Variants in FAM149A observed in about 807,000 individuals in gnomAD.
FAM149A encodes the protein family with sequence similarity 149 member A.
In FAM149A, 71 loss-of-function variants were observed where a neutral mutation model predicts 78.2. The observed-to-expected ratio is 0.91, with a 90% CI of 0.75 to 1.11. FAM149A has a LOEUF of 1.11. Ranked by LOEUF, FAM149A falls within the 50% of genes least tolerant of loss-of-function variation. FAM149A has a pLI of 0.00. For synonymous variants in FAM149A, 446 were observed against 410.5 expected, an observed-to-expected ratio of 1.09 and a Z score of -1.04; for missense variants, 1,036 against 971.0, an observed-to-expected ratio of 1.07 and a Z score of -0.89.
chr4:186,146,849 G>A, intron 1 of FAM149A: 2 of 985,442 alleles, frequency 2.0e-6, no homozygotes, highest in Non-Finnish European at 2.4e-6. Flanking sequence ...GAGTAATTCT[G>A]TAGTGAAAAT....
intron 3 of FAM149A, among the ~76,000 whole-genome samples, chr4:186,151,524 A>G (rs1265230045): frequency 6.6e-6 from 1 of 152,206 alleles, no homozygotes; most frequent in Non-Finnish European, 1.5e-5. Flanking sequence ...TAGGTGTGTC[A>G]GGCACAGCTC....
intron 1 of FAM149A, chr4:186,118,308 C>T (rs1353458004): frequency 1.7e-5 from 15 of 877,982 alleles, no homozygotes; most frequent in African/African-American, 7.3e-5. Context: ...ATGTGTGTGC[C>T]ATTAGCTACC....
chr4:186,157,420 C>T, intron 7 of FAM149A, 145 bp from the exon 8 acceptor site: 1 of 776,554 alleles, frequency 1.3e-6, no homozygotes, highest in South Asian at 1.8e-5. Flanking sequence ...ACAGGGGTCT[C>T]TGCCCTCCGT....
chr4:186,167,511 CAAAAA>C (rs55700071), intron 13 of FAM149A: 20,526 of 276,166 alleles, frequency 0.074, 284 homozygotes, highest in Admixed American at 0.1. Context: ...GGGCCTCACT[CAAAAA>C]AAAAAAAAAA....
chr4:186,155,560 A>C (rs1733978624), intron 6 of FAM149A, among the ~76,000 whole-genome samples: 1 of 152,252 alleles, frequency 6.6e-6, no homozygotes, highest in African/African-American at 2.4e-5. Flanking sequence ...AGACAAATTA[A>C]AATGGAAACA....
At chr4:186,145,212 C>T in intron 1 of FAM149A, 2 of 924,778 alleles carry the variant, frequency 2.2e-6, no homozygotes, top group Non-Finnish European at 2.6e-6. Context: ...GCCCGGGCTT[C>T]CCTGCAGGCA....
At chr4:186,108,588 C>T (rs1282528331) in intron 1 of FAM149A, among the ~76,000 whole-genome samples, 1 of 152,076 alleles carries the variant, frequency 6.6e-6, no homozygotes. Flanking sequence ...AGAGGCTGCC[C>T]CTTTTGCTCC....
At chr4:186,156,253 C>G (rs892777267) in intron 7 of FAM149A, 63 bp downstream of exon 7, 18 of 1,419,626 alleles carry the variant, frequency 1.3e-5, no homozygotes, top group Non-Finnish European at 1.6e-5. Context: ...GCCCTGGGCT[C>G]CTGCTCCCCA....
Position 186,136,823 on chromosome 4 carries a change from G to A in FAM149A, c.567-12350G>A, listed in dbSNP as rs958393115. Among the ~76,000 whole-genome samples the A allele has an allele frequency of 2.0e-5, 3 of 152,296 alleles. No individual in the cohort carries two copies. In the South Asian group the frequency reaches 6.2e-4, roughly 32 times the overall value. On this transcript the variant is annotated intron_variant, in intron 1 of 13. Transcript: ENST00000389354. ...GCCAGGCTGCCCACAGCCTAAGAAG[G>A]TGGCTCTGCCTTTCCGTCCACCTGT...
At chr4:186,151,844 C>T (rs983006935) in intron 3 of FAM149A, 59 bp from the exon 4 acceptor site, 4 of 1,588,408 alleles carry the variant, frequency 2.5e-6, no homozygotes, top group Admixed American at 3.6e-5. Context: ...TAGCGTTGAT[C>T]CAGAAGCCCG....
chr4:186,123,167 C>T, intron 1 of FAM149A: 1 of 967,350 alleles, frequency 1.0e-6, no homozygotes, highest in South Asian at 4.8e-5. Context: ...ATCCAAGGAA[C>T]CAGGACAATT....
At chr4:186,145,184 G>T in intron 1 of FAM149A, 6 of 978,792 alleles carry the variant, frequency 6.1e-6, no homozygotes, top group Non-Finnish European at 6.1e-6. Flanking sequence ...TTCTCCGCCC[G>T]CGGGCCGGCT....
intron 1 of FAM149A, among the ~76,000 whole-genome samples, chr4:186,124,413 T>TC (rs1287949411): frequency 5.8e-5 from 8 of 138,060 alleles, no homozygotes; most frequent in East Asian, 2.4e-4. Context: ...CCCTCCCCGC[T>TC]CCCCCCCACC....
chr4:186,161,684 CTTTG>C (rs1453448223), intron 8 of FAM149A, among the ~76,000 whole-genome samples: 1 of 152,002 alleles, frequency 6.6e-6, no homozygotes, highest in Non-Finnish European at 1.5e-5. Context: ...TTTATAATTA[CTTTG>C]TTTGGATAAA....
Position 186,144,942 on chromosome 4 carries a change from CG to C in FAM149A, c.567-4230del, listed in dbSNP as rs1732895284. ...GCCGCGCGGCGGGCGCGGGCGCGGGCGCGGGCGCGGGCGCGGGCGGGTGGGG... is the reference window on the plus strand; with the variant it reads ...GCCGCGCGGCGGGCGCGGGCGCGGGCCGGGCGCGGGCGCGGGCGGGTGGGG... On this transcript the variant is annotated intron_variant, in intron 1 of 13. Transcript: ENST00000389354. This position sits in a 1 kb window ranked among gnomAD's most constrained non-coding sequence, Gnocchi z 4.2. 1 of 251,656 alleles carries C rather than the reference CG, an allele frequency of 4.0e-6. No individual in the cohort carries two copies. The highest frequency in any genetic ancestry group is 1.3e-4 in the African/African-American group (1 of 7,440). 15.6% of individuals were successfully genotyped at this position (251,656 alleles called of 1,614,324 possible).
chr4:186,110,480 G>C (rs1226411287), intron 1 of FAM149A, among the ~76,000 whole-genome samples: 1 of 145,558 alleles, frequency 6.9e-6, no homozygotes, highest in Non-Finnish European at 1.5e-5. Flanking sequence ...TGCCATGCTG[G>C]TGCGCTGCAC....
At chr4:186,116,800 GAAC>G in intron 1 of FAM149A, 2 of 977,598 alleles carry the variant, frequency 2.0e-6, no homozygotes, top group Non-Finnish European at 2.4e-6. Flanking sequence ...TGTGTTTAAA[GAAC>G]ACATGTTGAG....
intron 13 of FAM149A, among the ~76,000 whole-genome samples, chr4:186,168,801 C>T (rs901848896): frequency 2.3e-4 from 35 of 152,286 alleles, no homozygotes; most frequent in African/African-American, 7.7e-4. Flanking sequence ...GGGGTGTTTC[C>T]GTCTGTGCCT....
Position 186,118,132 on chromosome 4 carries a change from C to T in FAM149A, c.566+12490C>T, listed in dbSNP as rs977305687. 3.0e-6 allele frequency: 3 copies of T among 985,298 alleles called. No homozygotes were observed. In the African/African-American group the frequency reaches 5.2e-5, roughly 17 times the overall value. 61.0% of individuals were successfully genotyped at this position (985,298 alleles called of 1,614,324 possible). A position where few individuals can be genotyped will look rare whatever the true frequency, so the allele number is the denominator to read the frequency against. On this transcript the variant is annotated intron_variant, in intron 1 of 13. Transcript: ENST00000389354. ...AAGGACTGGAAGTATAAACAGGCAA[C>T]TTTGCACGTACAGGAGTTGGTGAAC...
Sources: allele counts gnomAD v4.1 joint callset (sites outside exome capture counted in the v4.1 genomes callset), GRCh38; gene constraint gnomAD v4.1.1; non-coding constraint Gnocchi (gnomAD v3.1); transcripts MANE v1.5; gene names NCBI Gene and HGNC (gene_info 2026-07-23, HGNC 2026-07-21).